Variants in CHLSN observed in about 807,000 individuals in gnomAD.
CHLSN encodes the protein cholesin.
the CHLSN span, among the ~76,000 whole-genome samples, chr7:1,134,775 G>T: frequency 4.0e-5 from 6 of 151,882 alleles, no homozygotes; most frequent in African/African-American, 1.2e-4. Context: ...TACTCGGGAG[G>T]CTGAGGCAGG....
At chr7:986,467 C>T in the CHLSN span, 1 of 815,422 alleles carries the variant, frequency 1.2e-6, no homozygotes, top group Non-Finnish European at 1.9e-6. Context: ...CCTGGTCCTC[C>T]CTTGAGGGCT....
the CHLSN span, among the ~76,000 whole-genome samples, chr7:1,079,354 T>C: frequency 6.6e-6 from 1 of 152,262 alleles, no homozygotes; most frequent in East Asian, 1.9e-4. Context: ...CACACGAGAA[T>C]TGTGACCTCA....
chr7:1,136,357 AACAT>A, the CHLSN span, among the ~76,000 whole-genome samples: 3 of 76,732 alleles, frequency 3.9e-5, no homozygotes, highest in Non-Finnish European at 4.4e-5. Flanking sequence ...AATATATATA[AACAT>A]ATATATAAAT....
the CHLSN span, among the ~76,000 whole-genome samples, chr7:1,117,558 C>T: frequency 2.1e-5 from 3 of 141,978 alleles, no homozygotes; most frequent in African/African-American, 8.5e-5. Flanking sequence ...TCACCAATGT[C>T]CACGCAGGAT....
the CHLSN span, among the ~76,000 whole-genome samples, chr7:1,018,117 A>G: frequency 1.3e-5 from 2 of 152,100 alleles, no homozygotes; most frequent in Non-Finnish European, 2.9e-5. Context: ...TACCCCTGCC[A>G]TCATCTCTGC....
the CHLSN span, among the ~76,000 whole-genome samples, chr7:1,010,372 G>T: frequency 6.6e-6 from 1 of 152,216 alleles, no homozygotes; most frequent in Non-Finnish European, 1.5e-5. Flanking sequence ...CAGGTGCCAG[G>T]ATTAACTGCC....
chr7:1,117,770 AC>A, the CHLSN span, among the ~76,000 whole-genome samples: 9 of 151,444 alleles, frequency 5.9e-5, no homozygotes, highest in African/African-American at 2.2e-4. Context: ...GGCTTCCATC[AC>A]CGACGCCCAC....
At chr7:1,106,161 C>A in the CHLSN span, among the ~76,000 whole-genome samples, 4 of 152,338 alleles carry the variant, frequency 2.6e-5, no homozygotes, top group Middle Eastern at 3.4e-3. Flanking sequence ...CTCCCATCCT[C>A]GAGTCCCGCA....
chr7:987,536 G>A, the CHLSN span: 2 of 1,515,500 alleles, frequency 1.3e-6, no homozygotes, highest in Admixed American at 2.0e-5. Context: ...CCCAAGGTGG[G>A]GCTGGGCCTC....
chr7:1,106,434 C>CG, the CHLSN span, among the ~76,000 whole-genome samples: 1 of 152,098 alleles, frequency 6.6e-6, no homozygotes, highest in African/African-American at 2.4e-5. Flanking sequence ...GCCAGGACAG[C>CG]GTGGCAGGGA....
chr7:1,036,338 G>T, the CHLSN span, among the ~76,000 whole-genome samples: 6 of 151,488 alleles, frequency 4.0e-5, no homozygotes, highest in African/African-American at 1.2e-4. Flanking sequence ...CTCGTGCTGT[G>T]GCCGTGCAGG....
the CHLSN span, among the ~76,000 whole-genome samples, chr7:987,740 C>T: frequency 2.6e-5 from 4 of 152,212 alleles, no homozygotes; most frequent in Admixed American, 1.3e-4. Flanking sequence ...GCAGACCTGG[C>T]GCCTCCCTGC....
the CHLSN span, chr7:1,009,836 A>G: frequency 2.2e-6 from 2 of 926,748 alleles, no homozygotes; most frequent in East Asian, 5.5e-5. Flanking sequence ...GAACGCTCAT[A>G]CCTCACTGCT....
chr7:1,114,644 C>T, the CHLSN span, among the ~76,000 whole-genome samples: 1 of 152,254 alleles, frequency 6.6e-6, no homozygotes, highest in African/African-American at 2.4e-5. Flanking sequence ...TACGGAAGGA[C>T]TGAGGCCAGC....
At chr7:1,042,078 C>T in the CHLSN span, among the ~76,000 whole-genome samples, 1 of 152,142 alleles carries the variant, frequency 6.6e-6, no homozygotes, top group African/African-American at 2.4e-5. Flanking sequence ...CCACCCGCAA[C>T]ACACACGGCA....
At chr7:1,027,426 G>A in the CHLSN span, among the ~76,000 whole-genome samples, 1 of 152,242 alleles carries the variant, frequency 6.6e-6, no homozygotes, top group African/African-American at 2.4e-5. Flanking sequence ...ACGCTCCGAG[G>A]ACACAGCGCA....
the CHLSN span, among the ~76,000 whole-genome samples, chr7:982,365 G>C: frequency 2.0e-5 from 3 of 152,216 alleles, no homozygotes; most frequent in Admixed American, 1.3e-4. Flanking sequence ...GGAGGGTCCC[G>C]CCTGCTGGCA....
the CHLSN span, among the ~76,000 whole-genome samples, chr7:991,807 C>G: frequency 2.3e-3 from 352 of 152,352 alleles, 2 homozygotes; most frequent in African/African-American, 7.8e-3. Context: ...TCCAGAGCCT[C>G]CTCATCTTCC....
At chr7:986,410 C>T in the CHLSN span, 34 of 602,268 alleles carry the variant, frequency 5.6e-5, no homozygotes, top group African/African-American at 5.2e-4. Context: ...TGCAAACCTG[C>T]CTGGCTGTCC....
Sources: gnomAD v4.1 joint callset for allele counts (sites outside exome capture counted in the v4.1 genomes callset) on GRCh38, gnomAD v4.1.1 for gene constraint, MANE v1.5 for transcripts, NCBI Gene and HGNC (gene_info 2026-07-23, HGNC 2026-07-21) for gene names.